CDK17: variants seen among roughly 807,000 people sequenced by gnomAD.
CDK17 encodes cyclin dependent kinase 17.
In CDK17, 24 loss-of-function variants were observed where a neutral mutation model predicts 77.6. That is an observed-to-expected ratio of 0.31 (90% CI 0.22 to 0.44). The LOEUF is 0.44. Among genes scored for constraint, CDK17 ranks in the 20% least tolerant of loss-of-function variants. The pLI is 1.00. For synonymous variants in CDK17, 203 were observed against 210.4 expected (o/e 0.96, Z 0.30); for missense variants, 429 against 622.5 (o/e 0.69, Z 3.31).
intron 1 of CDK17, among the ~76,000 whole-genome samples, chr12:96,336,367 G>C (rs1267955277): frequency 6.6e-6 from 1 of 152,118 alleles, no homozygotes; most frequent in Non-Finnish European, 1.5e-5. Flanking sequence ...AGGAGACTGG[G>C]GTGGGAGGAT....
chr12:96,315,996 C>A (rs576619472), intron 3 of CDK17, among the ~76,000 whole-genome samples: 2 of 151,864 alleles, frequency 1.3e-5, no homozygotes, highest in Non-Finnish European at 2.9e-5. Flanking sequence ...CAGCTCCCAG[C>A]GTGAGCGACG....
At position 96,286,139 on chromosome 12, in the gene CDK17, G is replaced by A; in HGVS notation, c.1226C>T (p.Ser409Phe). Residue 409 changes from serine (S) to phenylalanine (F), a missense_variant, in exon 13 of 17, where the codon TCT (serine) becomes TTT (phenylalanine). Physicochemically the swap from Ser to Phe is radical, Grantham distance 155 (BLOSUM62 -2). Coordinates refer to ENST00000261211, the MANE Select transcript of CDK17 (RefSeq NM_002595.5). ...AGAAATACCTGGCCAAGTTTCCTGA[G>A]ATGGAGTTCCTGAATTAAAAAAAAA... is the stretch of plus-strand genomic sequence containing the variant. ...HLIFRLLGTP[S>F]QETWPGISSN... 1 of 1,327,396 alleles carries A rather than the reference G, an allele frequency of 7.5e-7. No individual in the cohort carries two copies. The highest frequency in any genetic ancestry group is 2.8e-5 in the East Asian group (1 of 36,252). The allele number at this position is 1,327,396 out of a possible 1,614,324, so 82.2% of individuals were successfully genotyped here.
chr12:96,399,236 G>A (rs1954219154), intron 1 of CDK17: 1 of 152,268 alleles, frequency 6.6e-6, no homozygotes, highest in Non-Finnish European at 1.5e-5. Context: ...CATAGCATCG[G>A]GCACAAAAAT....
chr12:96,399,952 G>C (rs1954232817), intron 1 of CDK17, 34 bp downstream of exon 1: 1 of 371,544 alleles, frequency 2.7e-6, no homozygotes, highest in African/African-American at 2.1e-5. Flanking sequence ...GACACCAGGG[G>C]AAAGCGCGGC....
At chr12:96,322,287 T>G (rs1324606773) in intron 3 of CDK17, among the ~76,000 whole-genome samples, 1 of 152,206 alleles carries the variant, frequency 6.6e-6, no homozygotes, top group Non-Finnish European at 1.5e-5. Flanking sequence ...CACAATACCC[T>G]TTAAATTTAA....
At chr12:96,384,215 C>T (rs1268739578) in intron 1 of CDK17, among the ~76,000 whole-genome samples, 1 of 152,154 alleles carries the variant, frequency 6.6e-6, no homozygotes, top group Non-Finnish European at 1.5e-5. Flanking sequence ...CCATCTCACA[C>T]CAGTCAGAAT....
intron 11 of CDK17, among the ~76,000 whole-genome samples, chr12:96,287,892 T>G (rs1306938384): frequency 6.6e-6 from 1 of 152,304 alleles, no homozygotes; most frequent in East Asian, 1.9e-4. Flanking sequence ...AAAGACATTA[T>G]GCCAAATGAA....
At chr12:96,312,251 T>TG (rs1194538835) in intron 4 of CDK17, among the ~76,000 whole-genome samples, 1 of 152,142 alleles carries the variant, frequency 6.6e-6, no homozygotes, top group Non-Finnish European at 1.5e-5. Context: ...TACTCCAGTC[T>TG]GGGTGACAGA....
chr12:96,342,355 C>T (rs1953134797), intron 1 of CDK17, among the ~76,000 whole-genome samples: 1 of 152,140 alleles, frequency 6.6e-6, no homozygotes, highest in South Asian at 2.1e-4. Flanking sequence ...AAAACTTAAA[C>T]TTTTTTCATT....
intron 1 of CDK17, among the ~76,000 whole-genome samples, chr12:96,394,882 A>AT (rs71097288): frequency 0.9 from 134,554 of 149,074 alleles, 60,709 homozygotes; most frequent in East Asian, 0.95. Context: ...AAAATCTATA[A>AT]TTTTTTTCCC....
chr12:96,290,387 T>C (rs1952308696), intron 10 of CDK17, among the ~76,000 whole-genome samples: 1 of 152,248 alleles, frequency 6.6e-6, no homozygotes, highest in African/African-American at 2.4e-5. Context: ...CTGAGATTGC[T>C]GTTATATATA....
intron 1 of CDK17, among the ~76,000 whole-genome samples, chr12:96,365,475 C>T (rs1469296223): frequency 6.6e-6 from 1 of 151,988 alleles, no homozygotes; most frequent in Non-Finnish European, 1.5e-5. Flanking sequence ...CCTTCACTAA[C>T]CTCACACAAA....
chr12:96,290,510 T>C (rs1332225505), intron 10 of CDK17, among the ~76,000 whole-genome samples: 3 of 152,240 alleles, frequency 2.0e-5, no homozygotes, highest in East Asian at 1.9e-4. Context: ...AGGACTCATA[T>C]ACTATTTCAG....
At chr12:96,381,047 C>G (rs1953869946) in intron 1 of CDK17, among the ~76,000 whole-genome samples, 1 of 152,096 alleles carries the variant, frequency 6.6e-6, no homozygotes, top group African/African-American at 2.4e-5. Flanking sequence ...ACTCTTTCCT[C>G]GTCATGTTAA....
At chr12:96,395,694 T>C (rs552925651) in intron 1 of CDK17, among the ~76,000 whole-genome samples, 1 of 152,280 alleles carries the variant, frequency 6.6e-6, no homozygotes, top group East Asian at 1.9e-4. Flanking sequence ...CTATTAGAGG[T>C]GGACCTTTGG....
At chr12:96,316,618 C>A (rs1221891798) in intron 3 of CDK17, among the ~76,000 whole-genome samples, 1 of 135,342 alleles carries the variant, frequency 7.4e-6, no homozygotes, top group Non-Finnish European at 1.6e-5. Context: ...TGAGAACGGG[C>A]AGACTGCCTC....
chr12:96,281,967 G>A (rs1195257393), intron 15 of CDK17: 3 of 152,168 alleles, frequency 2.0e-5, no homozygotes, highest in Non-Finnish European at 4.4e-5. Context: ...TCTAAAAATA[G>A]AATGTTAAGA....
chr12:96,343,239 T>A (rs1327017099), intron 1 of CDK17, among the ~76,000 whole-genome samples: 1 of 152,208 alleles, frequency 6.6e-6, no homozygotes, highest in Admixed American at 6.5e-5. Context: ...TGGAACCTAA[T>A]TAGACACTAA....
intron 12 of CDK17, among the ~76,000 whole-genome samples, 174 bp downstream of exon 12, chr12:96,286,490 G>C (rs940899755): frequency 6.6e-6 from 1 of 152,238 alleles, no homozygotes; most frequent in Middle Eastern, 3.4e-3. Flanking sequence ...AAACTTAGCA[G>C]ATGAAGTTAC....
Sources: allele counts gnomAD v4.1 joint callset (sites outside exome capture counted in the v4.1 genomes callset), GRCh38; gene constraint gnomAD v4.1.1; transcripts MANE v1.5; gene names NCBI Gene and HGNC (gene_info 2026-07-23, HGNC 2026-07-21).